The following GALNTL6 variants were observed in gnomAD, a reference collection of about 807,000 sequenced individuals.
GALNTL6 encodes polypeptide N-acetylgalactosaminyltransferase-like 6.
A neutral mutation model predicts 73.7 loss-of-function variants in GALNTL6; 46 were observed. That is an observed-to-expected ratio of 0.62 (90% CI 0.49 to 0.80). GALNTL6 has a LOEUF of 0.80. Ranked by LOEUF, GALNTL6 falls within the 30% of genes least tolerant of loss-of-function variation. GALNTL6 has a pLI of 0.00. For synonymous variants in GALNTL6, 259 were observed against 263.7 expected (o/e 0.98, Z 0.17); for missense variants, 604 against 755.0 (o/e 0.80, Z 2.34).
intron 5 of GALNTL6, among the ~76,000 whole-genome samples, chr4:172,615,899 A>G (rs1738708327): frequency 6.6e-6 from 1 of 152,154 alleles, no homozygotes; most frequent in Non-Finnish European, 1.5e-5. Flanking sequence ...TAATACAACC[A>G]CACAATACCA....
rs573424177 is a variant in GALNTL6 at position 172,034,606 on chromosome 4, A to G, written c.139-195050A>G. Among the ~76,000 whole-genome samples, 92 of 152,260 alleles carry G rather than the reference A, an allele frequency of 6.0e-4. 1 individual carries two copies. The highest frequency in any genetic ancestry group is 2.2e-3 in the African/African-American group (90 of 41,568). ...TTACATTTGCCAAAGTAATATGAGT[A>G]CACAAACTCATGAATTTACAAGCAA... On this transcript the variant is annotated intron_variant, in intron 2 of 12. Transcript: ENST00000506823.
At chr4:172,221,311 A>T (rs1736668320) in intron 2 of GALNTL6, among the ~76,000 whole-genome samples, 1 of 151,786 alleles carries the variant, frequency 6.6e-6, no homozygotes, top group Admixed American at 6.6e-5. Context: ...ACAACCGAGA[A>T]TGCTGTGTGT....
intron 5 of GALNTL6, among the ~76,000 whole-genome samples, chr4:172,771,033 T>C (rs900415334): frequency 2.6e-5 from 4 of 152,186 alleles, no homozygotes; most frequent in Non-Finnish European, 5.9e-5. Context: ...ATCTGTCATA[T>C]CAGACCAAAG....
Position 171,919,686 on chromosome 4 carries a change from C to CA in GALNTL6, c.138+104977dup, listed in dbSNP as rs1416054342. Among the ~76,000 whole-genome samples the CA allele has an allele frequency of 2.2e-3, 322 of 149,662 alleles. 1 individual carries two copies. The highest frequency in any genetic ancestry group is 7.5e-3 in the African/African-American group (308 of 40,886). On this transcript the variant is annotated intron_variant, in intron 2 of 12. Transcript: ENST00000506823. ...AATCAGAATGGTAATGTATTCTCAA[C>CA]AAAAAAAAAGAAAGAAAGGATAAAG...
At chr4:172,386,495 G>A (rs1208708903) in intron 5 of GALNTL6, among the ~76,000 whole-genome samples, 1 of 152,156 alleles carries the variant, frequency 6.6e-6, no homozygotes, top group East Asian at 1.9e-4. Flanking sequence ...GAGGGAAAGT[G>A]AGAGCGAGAA....
At chr4:172,404,856 G>T (rs1744156202) in intron 5 of GALNTL6, among the ~76,000 whole-genome samples, 1 of 152,036 alleles carries the variant, frequency 6.6e-6, no homozygotes, top group Non-Finnish European at 1.5e-5. Flanking sequence ...GTGTAATGAA[G>T]AGCTAATTAC....
chr4:172,562,517 G>T (rs1736411638), intron 5 of GALNTL6, among the ~76,000 whole-genome samples: 1 of 152,192 alleles, frequency 6.6e-6, no homozygotes. Context: ...AGAATGGATT[G>T]TTCAATGCAG....
intron 2 of GALNTL6, among the ~76,000 whole-genome samples, chr4:172,009,728 C>T (rs1367087985): frequency 6.6e-6 from 1 of 151,946 alleles, no homozygotes; most frequent in Admixed American, 6.6e-5. Context: ...TTTTTTAAGT[C>T]CTGGGCAGGC....
At position 172,396,192 on chromosome 4, in the gene GALNTL6, C is replaced by T. The variant is rs144790011; in HGVS notation, c.553+47503C>T. On this transcript the variant is annotated intron_variant, in intron 5 of 12. Coordinates refer to ENST00000506823, the MANE Select transcript of GALNTL6 (RefSeq NM_001034845.3). The stretch of plus-strand genomic sequence containing the variant: ...GTTTCTTCTTTCTCCTTGACCTGAG[C>T]CCTTCCTCGGGCAGTTTGAGTTTAA... Among the ~76,000 whole-genome samples, 18 of 152,242 alleles carry T rather than the reference C, an allele frequency of 1.2e-4. No homozygotes were observed. The East Asian group carries it at 2.9e-3, about 24-fold the overall frequency.
chr4:171,938,964 A>G (rs540929991), intron 2 of GALNTL6, among the ~76,000 whole-genome samples: 29 of 152,210 alleles, frequency 1.9e-4, no homozygotes, highest in Non-Finnish European at 4.0e-4. Context: ...AGATAAATAA[A>G]TTATTAGCAT....
intron 2 of GALNTL6, among the ~76,000 whole-genome samples, chr4:171,835,061 ATC>A (rs1178621013): frequency 6.6e-6 from 1 of 152,032 alleles, no homozygotes; most frequent in Non-Finnish European, 1.5e-5. Context: ...TCTTCTTGCC[ATC>A]TCTCTCTGAT....
chr4:172,559,058 ATTTTT>A (rs71592081), intron 5 of GALNTL6, among the ~76,000 whole-genome samples: 2 of 77,380 alleles, frequency 2.6e-5, no homozygotes, highest in African/African-American at 1.1e-4. Flanking sequence ...ATGATAATGG[ATTTTT>A]TTTTTTTTTT....
intron 5 of GALNTL6, among the ~76,000 whole-genome samples, chr4:172,638,542 T>C (rs1739805240): frequency 2.0e-5 from 3 of 152,124 alleles, no homozygotes; most frequent in Admixed American, 1.3e-4. Flanking sequence ...TTTTAGTTTT[T>C]AGCTTCTCAT....
intron 3 of GALNTL6, among the ~76,000 whole-genome samples, chr4:172,287,663 A>T (rs1055428400): frequency 3.9e-5 from 6 of 152,168 alleles, no homozygotes; most frequent in Non-Finnish European, 1.5e-5. Context: ...AGGTAGATAA[A>T]TTCCCCTTTC....
intron 2 of GALNTL6, chr4:171,816,127 A>T (rs930038319): frequency 1.3e-5 from 2 of 152,126 alleles, no homozygotes; most frequent in Non-Finnish European, 2.9e-5. Flanking sequence ...GGATTTTAAT[A>T]ACTTTAGTAG....
At chr4:172,482,865 C>G (rs927054030) in intron 5 of GALNTL6, among the ~76,000 whole-genome samples, 4 of 152,120 alleles carry the variant, frequency 2.6e-5, no homozygotes, top group Non-Finnish European at 5.9e-5. Flanking sequence ...CTGGCAAATA[C>G]TTATTGAATG....
At chr4:172,846,339 A>AT (rs1364609706) in intron 7 of GALNTL6, among the ~76,000 whole-genome samples, 2 of 152,212 alleles carry the variant, frequency 1.3e-5, no homozygotes, top group Non-Finnish European at 2.9e-5. Context: ...AAATATTATA[A>AT]TTATTACTTG....
intron 5 of GALNTL6, among the ~76,000 whole-genome samples, chr4:172,653,393 G>T (rs939697717): frequency 1.3e-5 from 2 of 151,808 alleles, no homozygotes; most frequent in African/African-American, 4.8e-5. Context: ...CTAATTTTTT[G>T]TATTTTTAGT....
intron 3 of GALNTL6, among the ~76,000 whole-genome samples, chr4:172,281,709 AAAAC>A (rs560023469): frequency 1.1e-4 from 16 of 152,000 alleles, no homozygotes; most frequent in African/African-American, 3.1e-4. Context: ...AGACCTTGTC[AAAAC>A]AAACAAACAA....
Sources: allele counts gnomAD v4.1 joint callset (sites outside exome capture counted in the v4.1 genomes callset), GRCh38; gene constraint gnomAD v4.1.1; transcripts MANE v1.5; gene names NCBI Gene and HGNC (gene_info 2026-07-23, HGNC 2026-07-21).